The following TENM3 variants were observed in gnomAD, a reference collection of about 807,000 sequenced individuals.
TENM3 encodes the protein teneurin transmembrane protein 3, also known as teneurin-3.
A neutral mutation model predicts 255.1 loss-of-function variants in TENM3; 63 were observed. That is an observed-to-expected ratio of 0.25 (90% CI 0.20 to 0.30). TENM3 has a LOEUF of 0.30. Ranked by LOEUF, TENM3 falls within the 10% of genes least tolerant of loss-of-function variation. TENM3 has a pLI of 1.00. For missense variants in TENM3, 2,929 were observed against 3,461.1 expected (o/e 0.85, Z 3.86); for synonymous variants, 1,306 against 1,322.3 (o/e 0.99, Z 0.27).
At chr4:182,778,894 T>C (rs573371848) in intron 24 of TENM3, among the ~76,000 whole-genome samples, 1 of 151,940 alleles carries the variant, frequency 6.6e-6, no homozygotes, top group Non-Finnish European at 1.5e-5. Flanking sequence ...TTTTAGATTG[T>C]TATTTAAGTG....
At chr4:181,456,881 A>G in the TENM3 span, among the ~76,000 whole-genome samples, 7 of 146,962 alleles carry the variant, frequency 4.8e-5, no homozygotes, top group Non-Finnish European at 1.1e-4. Flanking sequence ...AATTTAATTA[A>G]GAACTATCCA....
the TENM3 span, among the ~76,000 whole-genome samples, chr4:181,966,794 T>C: frequency 6.6e-6 from 1 of 152,208 alleles, no homozygotes; most frequent in African/African-American, 2.4e-5. Context: ...CTCCCACTTC[T>C]ACTGTGCCGC....
At chr4:182,289,932 G>A (rs1761002435) in intron 1 of TENM3, among the ~76,000 whole-genome samples, 1 of 152,112 alleles carries the variant, frequency 6.6e-6, no homozygotes, top group African/African-American at 2.4e-5. Context: ...AACCTGCCTT[G>A]CCATTCTGCC....
the TENM3 span, among the ~76,000 whole-genome samples, chr4:181,581,501 T>C: frequency 7.0e-4 from 106 of 152,258 alleles, no homozygotes; most frequent in Non-Finnish European, 1.3e-3. Flanking sequence ...ATATCCCGGT[T>C]TTCCTACTAT....
the TENM3 span, among the ~76,000 whole-genome samples, chr4:181,605,588 A>AGAAAG: frequency 7.1e-3 from 265 of 37,252 alleles, 12 homozygotes; most frequent in Middle Eastern, 0.021. Context: ...AAGAAAGGAA[A>AGAAAG]GAAAGAAAGA....
intron 3 of TENM3, among the ~76,000 whole-genome samples, chr4:182,359,653 A>G (rs1381459218): frequency 3.7e-5 from 5 of 135,880 alleles, no homozygotes; most frequent in African/African-American, 1.3e-4. Flanking sequence ...AATTTTGTTG[A>G]TTGTTTCAAA....
At chr4:182,142,132 T>A (rs1394903806), upstream of TENM3, 9 of 151,154 alleles carry the variant, frequency 6.0e-5, no homozygotes, top group Admixed American at 3.3e-4. Context: ...CTTTTTTTTA[T>A]ATAATAATAA....
chr4:182,800,410 C>T lies in TENM3; in HGVS notation c.*59C>T. On this transcript the variant is annotated 3_prime_UTR_variant, in exon 28 of 28. Coordinates refer to ENST00000511685, the MANE Select transcript of TENM3 (RefSeq NM_001080477.4). Reference sequence around the variant, plus strand: ...CTGCCCACATTGTCCTGTGGCACAACCCGAGTGGGACTCTCCAACGCCCAA... The same window carrying T: ...CTGCCCACATTGTCCTGTGGCACAATCCGAGTGGGACTCTCCAACGCCCAA... The T allele has an allele frequency of 2.7e-6, 4 of 1,488,684 alleles. No individual in the cohort carries two copies. Among genetic ancestry groups the T allele is most frequent in the Non-Finnish European group, 3.6e-6 (4 of 1,121,446 alleles). 92.2% of individuals were successfully genotyped at this position (1,488,684 alleles called of 1,614,324 possible).
intron 3 of TENM3, among the ~76,000 whole-genome samples, chr4:182,473,738 A>G (rs897375935): frequency 1.3e-5 from 2 of 152,006 alleles, no homozygotes; most frequent in African/African-American, 4.8e-5. Flanking sequence ...TTGGAGGCCG[A>G]GGTGGGAGGA....
At chr4:181,535,512 G>A in the TENM3 span, among the ~76,000 whole-genome samples, 2 of 152,174 alleles carry the variant, frequency 1.3e-5, no homozygotes, top group Non-Finnish European at 2.9e-5. Flanking sequence ...GGGTAATCCT[G>A]TGATAATGGA....
At chr4:181,689,993 C>T in the TENM3 span, among the ~76,000 whole-genome samples, 1 of 152,034 alleles carries the variant, frequency 6.6e-6, no homozygotes, top group Non-Finnish European at 1.5e-5. Context: ...TGCAGGGGTG[C>T]GGTTTCAATT....
chr4:182,272,167 G>A (rs539177099), intron 1 of TENM3, among the ~76,000 whole-genome samples: 9 of 152,268 alleles, frequency 5.9e-5, no homozygotes, highest in African/African-American at 1.7e-4. Context: ...CAAAGGTTCC[G>A]TAGACTGAAA....
chr4:182,316,681 G>A (rs1024770058), intron 1 of TENM3, among the ~76,000 whole-genome samples: 1 of 149,030 alleles, frequency 6.7e-6, no homozygotes, highest in South Asian at 2.1e-4. Context: ...CATTCTTTCT[G>A]TGCCCTCCAG....
At chr4:182,052,379 T>C in the TENM3 span, among the ~76,000 whole-genome samples, 1 of 151,938 alleles carries the variant, frequency 6.6e-6, no homozygotes. Context: ...GCTACAGAAG[T>C]GTGCAAGCTG....
the TENM3 span, among the ~76,000 whole-genome samples, chr4:181,471,149 T>G: frequency 6.6e-6 from 1 of 152,172 alleles, no homozygotes; most frequent in African/African-American, 2.4e-5. Flanking sequence ...TTAAGAGAAC[T>G]TCAAGTATTG....
At chr4:181,932,385 T>A in the TENM3 span, among the ~76,000 whole-genome samples, 2 of 152,310 alleles carry the variant, frequency 1.3e-5, no homozygotes, top group Non-Finnish European at 2.9e-5. Flanking sequence ...AAAGAGGACA[T>A]TTATGTGGCC....
At chr4:182,299,452 G>A (rs1761714842) in intron 1 of TENM3, among the ~76,000 whole-genome samples, 1 of 152,094 alleles carries the variant, frequency 6.6e-6, no homozygotes, top group Non-Finnish European at 1.5e-5. Flanking sequence ...TACAAGATAA[G>A]GAAAGAATAA....
At chr4:182,610,329 T>G (rs1748872622) in intron 4 of TENM3, among the ~76,000 whole-genome samples, 1 of 98,234 alleles carries the variant, frequency 1.0e-5, no homozygotes, top group Admixed American at 1.1e-4. Context: ...CCTGCAGATG[T>G]TTTGCCTGCT....
the TENM3 span, among the ~76,000 whole-genome samples, chr4:182,007,226 G>A: frequency 6.6e-6 from 1 of 152,134 alleles, no homozygotes; most frequent in Non-Finnish European, 1.5e-5. Flanking sequence ...AGAGAGTTCT[G>A]TAGACGTCTA....
Sources: allele counts gnomAD v4.1 joint callset (sites outside exome capture counted in the v4.1 genomes callset), GRCh38; gene constraint gnomAD v4.1.1; transcripts MANE v1.5; gene names NCBI Gene and HGNC (gene_info 2026-07-23, HGNC 2026-07-21).